Variants in ATRNL1 observed in about 807,000 individuals in gnomAD.
ATRNL1 encodes attractin like 1.
Under a neutral mutation model 182.7 loss-of-function variants are expected in ATRNL1, and 95 were observed. That is an observed-to-expected ratio of 0.52 (90% confidence interval 0.44 to 0.62). The LOEUF (loss-of-function observed/expected upper bound fraction) is 0.62, where lower values mean the gene tolerates loss of function less well. Among genes scored for constraint, ATRNL1 ranks in the 20% least tolerant of loss-of-function variants. The pLI, the probability that ATRNL1 is intolerant of heterozygous loss-of-function variation, is 0.00. For synonymous variants in ATRNL1, 576 were observed against 568.3 expected (o/e 1.01, Z -0.19); for missense variants, 1,471 against 1,679.5 (o/e 0.88, Z 2.17).
chr10:115,171,073 AATG>A lies in ATRNL1; in HGVS notation c.1133_1135del (p.Asp378del), dbSNP rs782367946. 569 of 1,582,178 alleles carry A rather than the reference AATG, an allele frequency of 3.6e-4. 6 individuals are homozygous for A. The highest frequency in any genetic ancestry group is 1.7e-4 in the Admixed American group (10 of 58,018). The stretch of plus-strand genomic sequence containing the variant: ...TATGTATGGAGGCAGAATTGAAACA[AATG>A]ATGGCAATGTCACAGATGAATTATG... On this transcript the variant is annotated inframe_deletion, in exon 8 of 29. Transcript: ENST00000355044.
intron 27 of ATRNL1, among the ~76,000 whole-genome samples, chr10:115,739,091 T>C (rs1179992764): frequency 6.6e-6 from 1 of 151,996 alleles, no homozygotes; most frequent in East Asian, 1.9e-4. Context: ...TGGAGAAAAA[T>C]GTAAAGATGA....
At chr10:115,400,579 G>T (rs915559961) in intron 20 of ATRNL1, among the ~76,000 whole-genome samples, 3 of 152,082 alleles carry the variant, frequency 2.0e-5, no homozygotes, top group African/African-American at 7.2e-5. Flanking sequence ...AGGAGCTTAA[G>T]TCTCTTTGAA....
intron 8 of ATRNL1, among the ~76,000 whole-genome samples, chr10:115,213,654 A>G (rs1564825228): frequency 1.3e-5 from 2 of 150,630 alleles, no homozygotes; most frequent in South Asian, 2.1e-4. Flanking sequence ...AGTCTACACT[A>G]TCTTGTTCCA....
At chr10:115,260,283 A>T (rs1339294694) in intron 10 of ATRNL1, among the ~76,000 whole-genome samples, 1 of 152,236 alleles carries the variant, frequency 6.6e-6, no homozygotes, top group Non-Finnish European at 1.5e-5. Context: ...ATACATACTT[A>T]AGAGTGAAAC....
Position 115,118,323 on chromosome 10 carries a change from C to G in ATRNL1, c.294-1862C>G, listed in dbSNP as rs185659796. Among the ~76,000 whole-genome samples, 7 of 152,136 alleles carry G rather than the reference C, an allele frequency of 4.6e-5. No individual in the cohort carries two copies. In the East Asian group the frequency reaches 1.4e-3, roughly 29 times the overall value. ...CCCCAATGTTTTCTTGTAGTAGTTT[C>G]ATATGCTTAACTACCTGTTATTATG... On this transcript the variant is annotated intron_variant, in intron 1 of 28. Coordinates refer to ENST00000355044, the MANE Select transcript of ATRNL1 (RefSeq NM_207303.4).
At chr10:115,918,262 G>C (rs2134551660) in intron 28 of ATRNL1, among the ~76,000 whole-genome samples, 2 of 152,162 alleles carry the variant, frequency 1.3e-5, no homozygotes, top group South Asian at 4.2e-4. Flanking sequence ...CACTGTAGCT[G>C]GCTAATTGTT....
intron 25 of ATRNL1, among the ~76,000 whole-genome samples, chr10:115,546,287 A>T (rs1852648947): frequency 6.6e-6 from 1 of 152,076 alleles, no homozygotes; most frequent in East Asian, 1.9e-4. Context: ...TACATTGGCC[A>T]GGTGCGGTGG....
chr10:115,642,944 A>G (rs1485074633), intron 26 of ATRNL1, among the ~76,000 whole-genome samples: 1 of 152,176 alleles, frequency 6.6e-6, no homozygotes, highest in East Asian at 1.9e-4. Flanking sequence ...ATGTCTGGGG[A>G]CATTTTGCTT....
intron 8 of ATRNL1, among the ~76,000 whole-genome samples, chr10:115,196,165 C>CTGAATGAA (rs148624774): frequency 0.012 from 1,813 of 151,844 alleles, 32 homozygotes; most frequent in African/African-American, 0.04. Context: ...AACCCTGTGC[C>CTGAATGAA]TGAATGAATG....
chr10:115,622,990 CTT>C (rs782429125), intron 26 of ATRNL1, among the ~76,000 whole-genome samples: 4 of 152,060 alleles, frequency 2.6e-5, no homozygotes, highest in Non-Finnish European at 5.9e-5. Context: ...AACAGGTTGT[CTT>C]TATCACAACG....
At chr10:115,127,049 C>T (rs1845004989) in intron 3 of ATRNL1, among the ~76,000 whole-genome samples, 1 of 152,030 alleles carries the variant, frequency 6.6e-6, no homozygotes, top group Admixed American at 6.5e-5. Context: ...ATTAGAAAAA[C>T]ATTAAAGTCT....
At chr10:115,815,983 A>G (rs1314145725) in intron 27 of ATRNL1, among the ~76,000 whole-genome samples, 2 of 152,152 alleles carry the variant, frequency 1.3e-5, no homozygotes, top group African/African-American at 4.8e-5. Context: ...TTTGGGCCTG[A>G]TTATGTTCTC....
At chr10:115,907,913 T>C (rs1555114921) in intron 28 of ATRNL1, among the ~76,000 whole-genome samples, 1 of 152,208 alleles carries the variant, frequency 6.6e-6, no homozygotes, top group African/African-American at 2.4e-5. Context: ...ACACTAGCTA[T>C]ACTGAATAAG....
intron 20 of ATRNL1, among the ~76,000 whole-genome samples, chr10:115,410,521 A>G (rs1283459544): frequency 6.6e-6 from 1 of 151,674 alleles, no homozygotes; most frequent in African/African-American, 2.4e-5. Context: ...CAGTTTCACC[A>G]TGTTGGCCAG....
At chr10:115,939,247 A>T (rs1953653631) in intron 28 of ATRNL1, among the ~76,000 whole-genome samples, 1 of 152,192 alleles carries the variant, frequency 6.6e-6, no homozygotes. Context: ...GTCTCAAAGG[A>T]GCCTGTTTCC....
At chr10:115,893,153 T>C (rs1292101912) in intron 28 of ATRNL1, among the ~76,000 whole-genome samples, 2 of 152,148 alleles carry the variant, frequency 1.3e-5, no homozygotes, top group African/African-American at 4.8e-5. Context: ...AGTTTCATCA[T>C]ATAGATAACG....
intron 24 of ATRNL1, among the ~76,000 whole-genome samples, chr10:115,497,915 C>T (rs1041691372): frequency 3.3e-5 from 5 of 152,110 alleles, no homozygotes; most frequent in South Asian, 4.1e-4. Context: ...CTAGGCCTCC[C>T]GCAGTGCTGA....
intron 28 of ATRNL1, among the ~76,000 whole-genome samples, chr10:115,917,469 CA>C (rs782543961): frequency 1.0e-5 from 1 of 95,398 alleles, no homozygotes; most frequent in African/African-American, 4.4e-5. Context: ...GACTCTGTCT[CA>C]AAAAAAAAAA....
intron 27 of ATRNL1, among the ~76,000 whole-genome samples, chr10:115,817,877 G>GTTTTTTTTTTT (rs35087740): frequency 2.2e-5 from 3 of 133,882 alleles, no homozygotes; most frequent in Non-Finnish European, 3.2e-5. Flanking sequence ...TTTACGTTGT[G>GTTTTTTTTTTT]TTTTTTTTTT....
Sources: allele counts gnomAD v4.1 joint callset (sites outside exome capture counted in the v4.1 genomes callset), GRCh38; gene constraint gnomAD v4.1.1; transcripts MANE v1.5; gene names NCBI Gene and HGNC (gene_info 2026-07-23, HGNC 2026-07-21).